RIMBP2: variants seen among roughly 807,000 people sequenced by gnomAD.
RIMBP2 encodes RIMS binding protein 2, also known as RIMS-binding protein 2.
A neutral mutation model predicts 118.6 loss-of-function variants in RIMBP2; 48 were observed. The ratio of observed to expected loss-of-function variants is 0.40; its 90% confidence interval spans 0.32 to 0.51. The LOEUF is 0.51. Among genes scored for constraint, RIMBP2 ranks in the 20% least tolerant of loss-of-function variants. The probability of loss-of-function intolerance (pLI) is 0.41; values close to 1 mark genes in which losing one functional copy is unlikely to be tolerated. For synonymous variants in RIMBP2, 762 were observed against 742.9 expected, an observed-to-expected ratio of 1.03 and a Z score of -0.42; for missense variants, 1,551 against 1,768.3, an observed-to-expected ratio of 0.88 and a Z score of 2.20.
chr12:130,593,705 T>C (rs1002384848), intron 2 of RIMBP2, among the ~76,000 whole-genome samples: 1 of 152,326 alleles, frequency 6.6e-6, no homozygotes, highest in Admixed American at 6.5e-5. Context: ...TGTTAGCAAG[T>C]ATTTTTTTCT....
At chr12:130,479,288 C>T (rs1219871024) in intron 4 of RIMBP2, among the ~76,000 whole-genome samples, 1 of 152,242 alleles carries the variant, frequency 6.6e-6, no homozygotes, top group Non-Finnish European at 1.5e-5. Flanking sequence ...ACTCTGTCCT[C>T]ATGCAAATGT....
In RIMBP2 at chr12:130,538,979, G is replaced by A. The variant is rs559915530; in HGVS notation, c.-216-21062C>T. Among the ~76,000 whole-genome samples, 3 of 152,270 alleles carry A rather than the reference G, an allele frequency of 2.0e-5. No homozygotes were observed. The East Asian group carries it at 5.8e-4, about 30-fold the overall frequency. Reference sequence around the variant, plus strand: ...TAAGGGTGGTAAAACTGCAGGGCATGTCCACGGCTCTGCAGAGCTCCTGGG... The same window carrying A: ...TAAGGGTGGTAAAACTGCAGGGCATATCCACGGCTCTGCAGAGCTCCTGGG... On this transcript the variant is annotated intron_variant, in intron 2 of 22. Coordinates refer to ENST00000690449, the MANE Select transcript of RIMBP2 (RefSeq NM_001393629.1).
In RIMBP2 at chr12:130,532,003, G is replaced by A. The variant is rs1262406561; in HGVS notation, c.-216-14086C>T. On this transcript the variant is annotated intron_variant, in intron 2 of 22. Coordinates refer to ENST00000690449, the MANE Select transcript of RIMBP2 (RefSeq NM_001393629.1). ...CTCTAGGAGGTACGTCTAATGAGAT[G>A]CGTATGTTTAGCCTCTAGGAGGGAC... Among the ~76,000 whole-genome samples the A allele has an allele frequency of 4.0e-4, 36 of 90,324 alleles. 1 individual carries two copies. The highest frequency in any genetic ancestry group is 1.3e-3 in the South Asian group (3 of 2,382). 59.3% of individuals were successfully genotyped at this position (90,324 alleles called of 152,430 possible).
intron 14 of RIMBP2, among the ~76,000 whole-genome samples, chr12:130,433,693 C>T (rs1461014094): frequency 6.6e-6 from 1 of 152,094 alleles, no homozygotes; most frequent in African/African-American, 2.4e-5. Context: ...GTCTGGCTTC[C>T]GTCCATCCCT....
At chr12:130,429,050 T>C (rs939290084) in intron 14 of RIMBP2, 2 of 152,312 alleles carry the variant, frequency 1.3e-5, no homozygotes, top group Admixed American at 6.5e-5. Flanking sequence ...TGAGCCGAGA[T>C]TGCCCCACTG....
intron 21 of RIMBP2, among the ~76,000 whole-genome samples, chr12:130,403,682 G>A (rs1307368033): frequency 6.6e-6 from 1 of 152,058 alleles, no homozygotes; most frequent in African/African-American, 2.4e-5. Context: ...CTAAAGCATA[G>A]AAAAAGGTTG....
chr12:130,666,894 G>A (rs1160969237), intron 1 of RIMBP2, among the ~76,000 whole-genome samples: 1 of 126,272 alleles, frequency 7.9e-6, no homozygotes, highest in Admixed American at 8.4e-5. Flanking sequence ...GAAGGAAGGA[G>A]AGAACGAAAG....
intron 2 of RIMBP2, among the ~76,000 whole-genome samples, chr12:130,521,680 C>CCA (rs2052139379): frequency 6.6e-6 from 1 of 152,202 alleles, no homozygotes; most frequent in South Asian, 2.1e-4. Flanking sequence ...CCCATGACTC[C>CCA]CACACTGCTG....
At chr12:130,655,216 A>T (rs34011370) in intron 1 of RIMBP2, among the ~76,000 whole-genome samples, 8,380 of 152,334 alleles carry the variant, frequency 0.055, 309 homozygotes, top group Non-Finnish European at 0.082. Context: ...AGGCCTCTCC[A>T]GCGTGTAACA....
intron 11 of RIMBP2, among the ~76,000 whole-genome samples, chr12:130,439,816 G>C (rs1014338787): frequency 1.3e-5 from 1 of 76,322 alleles, no homozygotes; most frequent in South Asian, 6.4e-4. Flanking sequence ...AGTCTGTGGG[G>C]GTGTCTGTGT....
At position 130,646,423 on chromosome 12, in the gene RIMBP2, T is replaced by TCCCTCGCCACC. The variant is rs1566423515; in HGVS notation, c.-351-17968_-351-17967insGGTGGCGAGGG. 1.7e-3 allele frequency among the ~76,000 whole-genome samples: 13 copies of TCCCTCGCCACC among 7,486 alleles called. 4 individuals are homozygous for TCCCTCGCCACC. In the East Asian group the frequency reaches 0.02, roughly 11 times the overall value. 4.9% of individuals were successfully genotyped at this position (7,486 alleles called of 152,430 possible). Reference sequence around the variant, plus strand: ...CCTGCCTCTCCACCTCCCTCACCACTTCCCTCTCCACCTCCCTTGCCACCT... The same window carrying TCCCTCGCCACC: ...CCTGCCTCTCCACCTCCCTCACCACTCCCTCGCCACCTCCCTCTCCACCTCCCTTGCCACCT... On this transcript the variant is annotated intron_variant, in intron 1 of 22. Transcript: ENST00000690449.
chr12:130,558,699 G>A (rs569634673), intron 2 of RIMBP2, among the ~76,000 whole-genome samples: 63 of 152,314 alleles, frequency 4.1e-4, no homozygotes, highest in African/African-American at 1.5e-3. Context: ...CTTGAGAAGG[G>A]CTGGTCCCAG....
intron 1 of RIMBP2, among the ~76,000 whole-genome samples, chr12:130,715,183 C>T (rs78337420): frequency 0.03 from 4,535 of 152,358 alleles, 102 homozygotes; most frequent in Non-Finnish European, 0.048. Flanking sequence ...AGCAGAGTCT[C>T]CTTCAGGGCT....
At chr12:130,427,928 G>T (rs1170400786) in intron 15 of RIMBP2, 8 of 369,662 alleles carry the variant, frequency 2.2e-5, no homozygotes, top group African/African-American at 1.7e-4. Context: ...ACAGAGCTGG[G>T]TGCCCCCTGG....
intron 4 of RIMBP2, among the ~76,000 whole-genome samples, chr12:130,484,799 G>A (rs543264483): frequency 7.1e-4 from 108 of 152,364 alleles, no homozygotes; most frequent in African/African-American, 2.5e-3. Context: ...AGCCATTAAA[G>A]AGCCTGAACA....
intron 2 of RIMBP2, among the ~76,000 whole-genome samples, chr12:130,594,598 A>G (rs1278493248): frequency 6.6e-6 from 1 of 152,144 alleles, no homozygotes; most frequent in Non-Finnish European, 1.5e-5. Context: ...TTTTAAGAAA[A>G]TTTATGAATT....
intron 2 of RIMBP2, among the ~76,000 whole-genome samples, chr12:130,550,314 T>G (rs2055626023): frequency 6.6e-6 from 1 of 152,188 alleles, no homozygotes; most frequent in East Asian, 1.9e-4. Context: ...GAGATACACA[T>G]AGAGAAAAGT....
chr12:130,655,550 G>C (rs1470552764), intron 1 of RIMBP2, among the ~76,000 whole-genome samples: 1 of 152,114 alleles, frequency 6.6e-6, no homozygotes, highest in Non-Finnish European at 1.5e-5. Context: ...TTCCACTTTA[G>C]GGAATTTATT....
At chr12:130,591,150 T>A (rs973535507) in intron 2 of RIMBP2, among the ~76,000 whole-genome samples, 9 of 152,130 alleles carry the variant, frequency 5.9e-5, no homozygotes, top group African/African-American at 2.2e-4. Context: ...ACTTTAAAAA[T>A]TAGGAGGTTA....
Sources: gnomAD v4.1 joint callset for allele counts (sites outside exome capture counted in the v4.1 genomes callset) on GRCh38, gnomAD v4.1.1 for gene constraint, MANE v1.5 for transcripts, NCBI Gene and HGNC (gene_info 2026-07-23, HGNC 2026-07-21) for gene names.